Variants in LDLRAD4 observed in about 807,000 individuals in gnomAD.
LDLRAD4 encodes low-density lipoprotein receptor class A domain-containing protein 4.
In LDLRAD4, 5 loss-of-function variants were observed where a neutral mutation model predicts 17.0. That is an observed-to-expected ratio of 0.29 (90% CI 0.15 to 0.62). The LOEUF (loss-of-function observed/expected upper bound fraction) is 0.62. Among genes scored for constraint, LDLRAD4 ranks in the 20% least tolerant of loss-of-function variants. The pLI is 0.84. For missense variants in LDLRAD4, 340 were observed against 424.7 expected (o/e 0.80, Z 1.75); for synonymous variants, 168 against 171.8 (o/e 0.98, Z 0.17).
intron 1 of LDLRAD4, among the ~76,000 whole-genome samples, chr18:13,301,842 G>A (rs2046622584): frequency 6.6e-6 from 1 of 152,152 alleles, no homozygotes; most frequent in Non-Finnish European, 1.5e-5. Flanking sequence ...GTCTGAGGTG[G>A]GCGTCATTGG....
At chr18:13,624,951 G>A (rs1253696584) in intron 4 of LDLRAD4, among the ~76,000 whole-genome samples, 1 of 152,212 alleles carries the variant, frequency 6.6e-6, no homozygotes, top group Non-Finnish European at 1.5e-5. Context: ...CAGGGCCCCT[G>A]CAAGCCCCTA....
chr18:13,248,643 A>G (rs1185203157), intron 1 of LDLRAD4, among the ~76,000 whole-genome samples: 1 of 152,220 alleles, frequency 6.6e-6, no homozygotes, highest in African/African-American at 2.4e-5. Flanking sequence ...AAAAATGGAC[A>G]CATAATAATT....
chr18:13,502,752 A>G (rs147910648), intron 3 of LDLRAD4, among the ~76,000 whole-genome samples: 103 of 152,324 alleles, frequency 6.8e-4, no homozygotes, highest in African/African-American at 2.4e-3. Context: ...TGATCTGTCT[A>G]TGAAACAGGT....
intron 1 of LDLRAD4, among the ~76,000 whole-genome samples, chr18:13,337,001 TG>T (rs2082135040): frequency 6.6e-6 from 1 of 152,200 alleles, no homozygotes; most frequent in African/African-American, 2.4e-5. Flanking sequence ...TTGAGTGAGC[TG>T]GGTTTTCCAA....
intron 1 of LDLRAD4, among the ~76,000 whole-genome samples, chr18:13,329,085 T>C (rs2081699332): frequency 1.3e-5 from 2 of 152,358 alleles, no homozygotes; most frequent in South Asian, 4.1e-4. Context: ...CTGTGTTGTA[T>C]AGATAGATGT....
chr18:13,371,432 GAGTGCACTGGTGC>G (rs1204866434), intron 1 of LDLRAD4, among the ~76,000 whole-genome samples: 1 of 152,174 alleles, frequency 6.6e-6, no homozygotes, highest in Non-Finnish European at 1.5e-5. Flanking sequence ...TAAACCCTGT[GAGTGCACTGGTGC>G]ACTGTCCACT....
At chr18:13,228,883 G>A (rs1385050321) in intron 1 of LDLRAD4, among the ~76,000 whole-genome samples, 1 of 152,200 alleles carries the variant, frequency 6.6e-6, no homozygotes, top group Non-Finnish European at 1.5e-5. Context: ...AGTAAATTTA[G>A]TCCAGAAAAA....
chr18:13,365,150 T>G (rs964442194), intron 1 of LDLRAD4, among the ~76,000 whole-genome samples: 29 of 152,184 alleles, frequency 1.9e-4, no homozygotes, highest in African/African-American at 6.5e-4. Flanking sequence ...GTTTATTCTT[T>G]CCCCTGGAGA....
At chr18:13,297,583 C>A (rs1567979453) in intron 1 of LDLRAD4, among the ~76,000 whole-genome samples, 1 of 152,160 alleles carries the variant, frequency 6.6e-6, no homozygotes, top group Non-Finnish European at 1.5e-5. Flanking sequence ...TGGCTTGAAG[C>A]CAGGTGTCCA....
At chr18:13,357,896 C>T (rs2083439561) in intron 1 of LDLRAD4, among the ~76,000 whole-genome samples, 1 of 152,138 alleles carries the variant, frequency 6.6e-6, no homozygotes, top group Non-Finnish European at 1.5e-5. Context: ...TAATTATGAA[C>T]TCATGGATTT....
intron 2 of LDLRAD4, among the ~76,000 whole-genome samples, chr18:13,437,990 G>A (rs2090776882): frequency 1.3e-5 from 2 of 152,224 alleles, no homozygotes; most frequent in African/African-American, 4.8e-5. Flanking sequence ...GGGCAGTGCC[G>A]TAGAGTGAGG....
intron 4 of LDLRAD4, among the ~76,000 whole-genome samples, chr18:13,640,565 C>T (rs982079704): frequency 2.6e-5 from 4 of 152,150 alleles, no homozygotes; most frequent in African/African-American, 9.7e-5. Context: ...TTTTCCACCC[C>T]AGCAAGCAAA....
intron 2 of LDLRAD4, among the ~76,000 whole-genome samples, chr18:13,394,199 C>T (rs1027247592): frequency 1.3e-5 from 2 of 152,168 alleles, no homozygotes; most frequent in East Asian, 1.9e-4. Context: ...TAATTAATAA[C>T]GTTTCTGTGT....
chr18:13,274,996 A>G (rs1236569181), upstream of LDLRAD4, among the ~76,000 whole-genome samples: 1 of 151,988 alleles, frequency 6.6e-6, no homozygotes, highest in Non-Finnish European at 1.5e-5. Flanking sequence ...GCCTGTGAGC[A>G]GCCTCTGCAC....
intron 3 of LDLRAD4, chr18:13,491,577 A>G (rs1341460107): frequency 6.6e-6 from 1 of 152,200 alleles, no homozygotes; most frequent in Non-Finnish European, 1.5e-5. Flanking sequence ...TAAAGATTAT[A>G]TGTAGTGTTG....
chr18:13,242,831 T>C (rs1023517734), intron 1 of LDLRAD4, among the ~76,000 whole-genome samples: 1 of 152,380 alleles, frequency 6.6e-6, no homozygotes, highest in East Asian at 1.9e-4. Flanking sequence ...TTAAATCTTA[T>C]CCAACAGCTT....
chr18:13,432,233 T>C (rs935155901), intron 2 of LDLRAD4, among the ~76,000 whole-genome samples: 5 of 152,226 alleles, frequency 3.3e-5, no homozygotes, highest in Admixed American at 6.5e-5. Context: ...GCCCTAAGGA[T>C]CGACTTTTCA....
chr18:13,289,016 C>T (rs1396043752), intron 1 of LDLRAD4, among the ~76,000 whole-genome samples: 1 of 152,238 alleles, frequency 6.6e-6, no homozygotes, highest in African/African-American at 2.4e-5. Context: ...CCCAAGCCTT[C>T]AGGCATTTTG....
At chr18:13,370,716 T>TTTTTTTTTGTTTG (rs1555663274) in intron 1 of LDLRAD4, among the ~76,000 whole-genome samples, 271 of 8,828 alleles carry the variant, frequency 0.031, 10 homozygotes, top group South Asian at 0.22. Flanking sequence ...TTGTTTTGTT[T>TTTTTTTTTGTTTG]TTTTTTTTTT....
Sources: allele counts gnomAD v4.1 joint callset (sites outside exome capture counted in the v4.1 genomes callset), GRCh38; gene constraint gnomAD v4.1.1; transcripts MANE v1.5; gene names NCBI Gene and HGNC (gene_info 2026-07-23, HGNC 2026-07-21).